The following HTR4 variants were observed in gnomAD, a reference collection of about 807,000 sequenced individuals.
The protein encoded by HTR4 is 5-hydroxytryptamine receptor 4.
In HTR4, 16 loss-of-function variants were observed where a neutral mutation model predicts 36.8. The ratio of observed to expected loss-of-function variants is 0.43; its 90% confidence interval spans 0.29 to 0.66. The LOEUF (loss-of-function observed/expected upper bound fraction) is 0.66, where lower values mean the gene tolerates loss of function less well. Ranked by LOEUF, HTR4 falls within the 30% of genes least tolerant of loss-of-function variation. The probability of loss-of-function intolerance (pLI) is 0.13; values close to 1 mark genes in which losing one functional copy is unlikely to be tolerated. For missense variants in HTR4, 438 were observed against 490.9 expected, an observed-to-expected ratio of 0.89 and a Z score of 1.02; for synonymous variants, 189 against 185.1, an observed-to-expected ratio of 1.02 and a Z score of -0.17.
chr5:148,612,008 G>A (rs1752454259), intron 2 of HTR4, among the ~76,000 whole-genome samples: 1 of 152,002 alleles, frequency 6.6e-6, no homozygotes. Context: ...CCCAATACAG[G>A]AGCACCCAGA....
chr5:148,463,324 C>T (rs1419564957), intron 5 of HTR4, among the ~76,000 whole-genome samples: 1 of 151,200 alleles, frequency 6.6e-6, no homozygotes, highest in Non-Finnish European at 1.5e-5. Flanking sequence ...AGGCATGCAC[C>T]ACCATGCCCA....
intron 2 of HTR4, among the ~76,000 whole-genome samples, chr5:148,633,604 C>T (rs1381583594): frequency 1.3e-5 from 2 of 148,946 alleles, no homozygotes; most frequent in Admixed American, 1.3e-4. Flanking sequence ...TGTTCAATTC[C>T]CATCTATGAG....
intron 4 of HTR4, among the ~76,000 whole-genome samples, chr5:148,535,731 GA>G (rs548658382): frequency 1.4e-4 from 21 of 152,106 alleles, no homozygotes; most frequent in Non-Finnish European, 2.9e-4. Context: ...AGAAGTATAG[GA>G]TTATGAAAAG....
chr5:148,639,901 T>A (rs1021490821), intron 1 of HTR4, among the ~76,000 whole-genome samples: 2 of 152,168 alleles, frequency 1.3e-5, no homozygotes, highest in African/African-American at 4.8e-5. Flanking sequence ...TATTGTAATT[T>A]AAAGAATAGC....
chr5:148,559,808 G>A (rs578201492), intron 2 of HTR4, among the ~76,000 whole-genome samples: 4 of 152,168 alleles, frequency 2.6e-5, no homozygotes, highest in South Asian at 2.1e-4. Context: ...CTGCTTGTTA[G>A]TGCACCTCCT....
chr5:148,526,582 T>C (rs1353210560), intron 4 of HTR4, among the ~76,000 whole-genome samples: 1 of 152,162 alleles, frequency 6.6e-6, no homozygotes, highest in East Asian at 1.9e-4. Flanking sequence ...TTAAGTATCC[T>C]ATAGGACACT....
chr5:148,639,565 C>A (rs1459369160), intron 1 of HTR4, among the ~76,000 whole-genome samples: 2 of 148,948 alleles, frequency 1.3e-5, no homozygotes, highest in Admixed American at 1.3e-4. Flanking sequence ...ATTTCACACC[C>A]CATTTTCTAA....
At chr5:148,623,461 AGGG>A (rs1752984941) in intron 2 of HTR4, among the ~76,000 whole-genome samples, 1 of 152,138 alleles carries the variant, frequency 6.6e-6, no homozygotes, top group Non-Finnish European at 1.5e-5. Flanking sequence ...AGGGGAGTAA[AGGG>A]GCAGAGGATG....
intron 6 of HTR4, among the ~76,000 whole-genome samples, chr5:148,496,938 T>C (rs1756711620): frequency 6.6e-6 from 1 of 152,186 alleles, no homozygotes; most frequent in African/African-American, 2.4e-5. Context: ...TGAATCAAAC[T>C]TCAGAACCTA....
At chr5:148,516,014 G>T (rs1757733403) in intron 5 of HTR4, among the ~76,000 whole-genome samples, 1 of 149,590 alleles carries the variant, frequency 6.7e-6, no homozygotes, top group Admixed American at 6.7e-5. Context: ...ATACATATAT[G>T]TATGGACACA....
At chr5:148,633,861 C>G (rs956598219) in intron 2 of HTR4, among the ~76,000 whole-genome samples, 1 of 152,048 alleles carries the variant, frequency 6.6e-6, no homozygotes, top group African/African-American at 2.4e-5. Flanking sequence ...TTTTTTATGT[C>G]TAATCCTGGT....
intron 2 of HTR4, among the ~76,000 whole-genome samples, chr5:148,585,708 C>T (rs1305468390): frequency 1.3e-5 from 2 of 152,222 alleles, no homozygotes; most frequent in South Asian, 2.1e-4. Context: ...CCTCTTGACT[C>T]CTATTGGGTT....
intron 5 of HTR4, among the ~76,000 whole-genome samples, chr5:148,464,996 C>A (rs1299617933): frequency 1.3e-5 from 2 of 150,244 alleles, no homozygotes; most frequent in African/African-American, 2.5e-5. Context: ...TGTATTATTT[C>A]AAAAATATGA....
intron 4 of HTR4, among the ~76,000 whole-genome samples, chr5:148,525,655 G>A (rs1471889981): frequency 1.3e-5 from 2 of 152,154 alleles, no homozygotes; most frequent in Non-Finnish European, 2.9e-5. Flanking sequence ...TTTGCAGCAT[G>A]CTCTTACCCA....
At chr5:148,470,837 C>T (rs187831146) in intron 5 of HTR4, among the ~76,000 whole-genome samples, 10 of 152,080 alleles carry the variant, frequency 6.6e-5, no homozygotes, top group African/African-American at 7.2e-5. Flanking sequence ...TACAGGCACC[C>T]ACCACCATGA....
intron 2 of HTR4, among the ~76,000 whole-genome samples, chr5:148,562,616 AACT>A (rs1310325674): frequency 6.6e-6 from 1 of 150,400 alleles, no homozygotes; most frequent in Non-Finnish European, 1.5e-5. Flanking sequence ...TTATCCCACT[AACT>A]ACTTTGTCTT....
At chr5:148,520,790 G>T in intron 5 of HTR4, 1 of 1,053,266 alleles carries the variant, frequency 9.5e-7, no homozygotes, top group South Asian at 1.4e-5. Flanking sequence ...ATTTCCTCCA[G>T]GAATGGTGAA....
chr5:148,503,986 TC>T (rs1266427588), intron 6 of HTR4, among the ~76,000 whole-genome samples: 2 of 152,092 alleles, frequency 1.3e-5, no homozygotes, highest in Non-Finnish European at 2.9e-5. Context: ...GGACCCAGAT[TC>T]AAAAAGCAAG....
chr5:148,540,357 A>T (rs1759043663), intron 4 of HTR4, among the ~76,000 whole-genome samples: 1 of 142,870 alleles, frequency 7.0e-6, no homozygotes, highest in Non-Finnish European at 1.5e-5. Context: ...TCAAATATAC[A>T]CCCAAACCTA....
Sources: gnomAD v4.1 joint callset for allele counts (sites outside exome capture counted in the v4.1 genomes callset) on GRCh38, gnomAD v4.1.1 for gene constraint, MANE v1.5 for transcripts, NCBI Gene and HGNC (gene_info 2026-07-23, HGNC 2026-07-21) for gene names.